Variants in PLCG2 observed in about 807,000 individuals in gnomAD.
PLCG2 encodes 1-phosphatidylinositol 4,5-bisphosphate phosphodiesterase gamma-2.
PLCG2 carries 69 observed loss-of-function variants against 175.6 expected under a neutral mutation model. The observed-to-expected ratio is 0.39, with a 90% confidence interval of 0.32 to 0.48. The LOEUF (loss-of-function observed/expected upper bound fraction) is 0.48. Ranked by LOEUF, PLCG2 falls within the 20% of genes least tolerant of loss-of-function variation. PLCG2 has a pLI of 0.91. For missense variants in PLCG2, 1,798 were observed against 1,650.9 expected (o/e 1.09, Z -1.54); for synonymous variants, 827 against 624.0 (o/e 1.33, Z -4.85).
chr16:81,799,336 C>T (rs1309110011), intron 2 of PLCG2, among the ~76,000 whole-genome samples: 2 of 152,310 alleles, frequency 1.3e-5, no homozygotes, highest in South Asian at 2.1e-4. Flanking sequence ...ACATGCGACC[C>T]TTTTGTAATG....
At position 81,795,729 on chromosome 16, in the gene PLCG2, C is replaced by A. The variant is rs80275783; in HGVS notation, c.193+9547C>A. Among the ~76,000 whole-genome samples, 4 of 151,756 alleles carry A rather than the reference C, an allele frequency of 2.6e-5. No individual in the cohort carries two copies. In the East Asian group the frequency reaches 7.8e-4, roughly 30 times the overall value. On this transcript the variant is annotated intron_variant, in intron 2 of 32. Transcript: ENST00000564138. ...TTTTTTTCTCCCCAAGAGATGGGGT[C>A]TTGCTTATTGCCCAGGCTGGAGTAC...
chr16:81,957,733 A>G (rs1184250126), intron 32 of PLCG2, among the ~76,000 whole-genome samples: 1 of 152,070 alleles, frequency 6.6e-6, no homozygotes, highest in Admixed American at 6.6e-5. Context: ...TCTTCATGTC[A>G]GCCTGCAGAG....
At chr16:81,760,928 G>T (rs569174202) in intron 2 of PLCG2, among the ~76,000 whole-genome samples, 2 of 152,038 alleles carry the variant, frequency 1.3e-5, no homozygotes, top group African/African-American at 2.4e-5. Flanking sequence ...TTTGAGGACA[G>T]AGTTTCACTC....
intron 2 of PLCG2, among the ~76,000 whole-genome samples, chr16:81,802,912 G>A (rs1474867691): frequency 6.6e-6 from 1 of 152,148 alleles, no homozygotes; most frequent in Non-Finnish European, 1.5e-5. Flanking sequence ...ATACTGTTAA[G>A]TGGTTTTTAG....
chr16:81,805,781 TTG>T (rs66899140), intron 2 of PLCG2, among the ~76,000 whole-genome samples: 15,047 of 83,714 alleles, frequency 0.18, 1,384 homozygotes, highest in Non-Finnish European at 0.25. Context: ...TTTTTTTTTT[TTG>T]TTTTTTTTTT....
chr16:81,935,896 G>C, intron 26 of PLCG2: 2 of 985,134 alleles, frequency 2.0e-6, no homozygotes. Context: ...TCTTGTTCAA[G>C]GATGGTGATA....
intron 1 of PLCG2, among the ~76,000 whole-genome samples, chr16:81,741,212 T>G (rs966468224): frequency 6.6e-6 from 1 of 152,092 alleles, no homozygotes. Flanking sequence ...ACAAACAAAC[T>G]TGTATTAAAT....
chr16:81,951,803 GC>G (rs1003838900), intron 31 of PLCG2, among the ~76,000 whole-genome samples: 1 of 152,108 alleles, frequency 6.6e-6, no homozygotes, highest in African/African-American at 2.4e-5. Context: ...TATGAAAAAA[GC>G]ATAAACTAGT....
chr16:81,942,383 C>A (rs944663878), intron 30 of PLCG2, among the ~76,000 whole-genome samples: 2 of 152,242 alleles, frequency 1.3e-5, no homozygotes, highest in African/African-American at 4.8e-5. Context: ...TCTCCTCCCC[C>A]GACTGTGAGA....
chr16:81,954,399 G>A (rs1051654777), intron 31 of PLCG2, among the ~76,000 whole-genome samples: 3 of 152,176 alleles, frequency 2.0e-5, no homozygotes, highest in Non-Finnish European at 4.4e-5. Flanking sequence ...CAGGATACAA[G>A]TGCAGGACGT....
intron 19 of PLCG2, among the ~76,000 whole-genome samples, chr16:81,917,465 C>G (rs995178061): frequency 6.6e-6 from 1 of 152,000 alleles, no homozygotes; most frequent in African/African-American, 2.4e-5. Flanking sequence ...TTTGAGGAAC[C>G]TCTGTACTGT....
chr16:81,908,586 C>A lies in PLCG2; in HGVS notation c.1728C>A (p.Ser576=). The change falls in exon 17 of 33, where the codon TCC becomes TCA. Residue 576 remains serine, a synonymous_variant. Coordinates refer to ENST00000564138, the MANE Select transcript of PLCG2 (RefSeq NM_002661.5). ...CCTTCCCCAATGACTACACCCTGTC[C>A]TTCTGGTAATGCCCCCGACCCAGGG... The part of the protein sequence containing the change: ...SETFPNDYTL[S]FWRSGRVQHC... The A allele has an allele frequency of 6.2e-7, 1 of 1,608,026 alleles. No individual in the cohort carries two copies. Among genetic ancestry groups the A allele is most frequent in the Non-Finnish European group, 8.5e-7 (1 of 1,177,502 alleles).
chr16:81,859,033 C>A, intron 4 of PLCG2, 83 bp from the exon 5 acceptor site: 1 of 818,722 alleles, frequency 1.2e-6, no homozygotes, highest in Non-Finnish European at 2.1e-6. Flanking sequence ...TCCTTTTGTG[C>A]ACATTCCGTA....
intron 2 of PLCG2, among the ~76,000 whole-genome samples, chr16:81,827,776 G>A (rs776797426): frequency 5.3e-5 from 8 of 151,978 alleles, no homozygotes; most frequent in Non-Finnish European, 1.0e-4. Flanking sequence ...TTGTTACTGT[G>A]AAATCTCCTC....
chr16:81,745,544 T>C lies in PLCG2; in HGVS notation c.-145+6159T>C, dbSNP rs143766181. Among the ~76,000 whole-genome samples the C allele has an allele frequency of 2.5e-3, 379 of 152,304 alleles. 2 individuals are homozygous for C. Among genetic ancestry groups the C allele is most frequent in the African/African-American group, 8.5e-3 (352 of 41,574 alleles). ...CACAGACTGCAGGCCATATGGTAAT[T>C]ACCAGCTGGATGTCAACCCCAAGTC... On this transcript the variant is annotated intron_variant, in intron 1 of 5. Coordinates refer to the PLCG2 transcript ENST00000565054.
intron 14 of PLCG2, among the ~76,000 whole-genome samples, chr16:81,903,003 C>G (rs567101347): frequency 1.3e-5 from 2 of 152,148 alleles, no homozygotes. Context: ...TCCTATGACA[C>G]GTGGGAATTA....
chr16:81,881,929 G>A (rs1908101131), intron 8 of PLCG2, among the ~76,000 whole-genome samples: 1 of 152,108 alleles, frequency 6.6e-6, no homozygotes, highest in African/African-American at 2.4e-5. Flanking sequence ...TGGGATTACA[G>A]GCATGTGCCA....
At chr16:81,803,662 TC>T (rs1911859909) in intron 2 of PLCG2, among the ~76,000 whole-genome samples, 3 of 40,268 alleles carry the variant, frequency 7.5e-5, no homozygotes, top group Middle Eastern at 0.012. Flanking sequence ...CCTCCCTCCC[TC>T]CCTTCCTTCC....
Position 81,792,747 on chromosome 16 carries a change from C to G in PLCG2, c.193+6565C>G, listed in dbSNP as rs575354096. ...GAGAATTTACTCACTATCACGAGAACAGCATGGAGGTAACCGGCCCTATGA... is the reference window on the plus strand; with the variant it reads ...GAGAATTTACTCACTATCACGAGAAGAGCATGGAGGTAACCGGCCCTATGA... On this transcript the variant is annotated intron_variant, in intron 2 of 32. Coordinates refer to ENST00000564138, the MANE Select transcript of PLCG2 (RefSeq NM_002661.5). Among the ~76,000 whole-genome samples the G allele has an allele frequency of 6.6e-4, 101 of 152,184 alleles. 1 individual carries two copies. In the South Asian group the frequency reaches 0.014, roughly 22 times the overall value.
Sources: gnomAD v4.1 joint callset for allele counts (sites outside exome capture counted in the v4.1 genomes callset) on GRCh38, gnomAD v4.1.1 for gene constraint, MANE v1.5 for transcripts, NCBI Gene and HGNC (gene_info 2026-07-23, HGNC 2026-07-21) for gene names.